The following KAZN variants were observed in gnomAD, a reference collection of about 807,000 sequenced individuals.
The protein encoded by KAZN is kazrin.
Under a neutral mutation model 87.4 loss-of-function variants are expected in KAZN, and 40 were observed. The observed-to-expected ratio is 0.46, with a 90% CI of 0.36 to 0.60. The LOEUF is 0.60. KAZN is among the 20% of genes least tolerant of loss of function. The probability of loss-of-function intolerance (pLI) is 0.00; values close to 1 mark genes in which losing one functional copy is unlikely to be tolerated. For synonymous variants in KAZN, 466 were observed against 458.3 expected (o/e 1.02, Z -0.22); for missense variants, 898 against 1,073.9 (o/e 0.84, Z 2.29).
chr1:14,459,260 C>CGCGTGT (rs1303345359), intron 2 of KAZN, among the ~76,000 whole-genome samples: 319 of 118,108 alleles, frequency 2.7e-3, no homozygotes, highest in Non-Finnish European at 3.3e-3. Context: ...TGTGTGTGCG[C>CGCGTGT]GTGTGTGTGT....
rs1491239422 is a variant in KAZN at position 15,101,163 on chromosome 1, T to TC, written c.1548-380_1548-379insC. 1.8e-3 allele frequency among the ~76,000 whole-genome samples: 240 copies of TC among 136,106 alleles called. 4 individuals are homozygous for TC. Among genetic ancestry groups the TC allele is most frequent in the African/African-American group, 4.6e-3 (164 of 35,718 alleles). The allele number at this position is 136,106 out of a possible 152,430, so 89.3% of individuals were successfully genotyped here. A position where few individuals can be genotyped will look rare whatever the true frequency, so the allele number is the denominator to read the frequency against. On this transcript the variant is annotated intron_variant, in intron 10 of 14. Coordinates refer to ENST00000376030, the MANE Select transcript of KAZN (RefSeq NM_201628.3). ...CCCTTTCTGTTCTTGAGTCTCGGTC[T>TC]TTCTCTCTCTCTCTCTCTCTCTCTG...
chr1:15,080,482 C>G (rs899536189), intron 8 of KAZN, among the ~76,000 whole-genome samples: 2 of 152,054 alleles, frequency 1.3e-5, no homozygotes, highest in Non-Finnish European at 2.9e-5. Flanking sequence ...TGGTGAGTGA[C>G]TGATAGGCTC....
rs142510189 is a variant in KAZN, at chr1:14,074,238, CTG to C, written c.92-106194_92-106193del. Among the ~76,000 whole-genome samples, 808 of 152,340 alleles carry C rather than the reference CTG, an allele frequency of 5.3e-3. 7 individuals carry two copies. The highest frequency in any genetic ancestry group is 0.019 in the African/African-American group (773 of 41,576). On this transcript the variant is annotated intron_variant, in intron 1 of 16. Coordinates refer to the KAZN transcript ENST00000636203. Reference sequence around the variant, plus strand: ...CACAGCGTCTGAACTCCACAATAGTCTGTGCTCATGGCTACTGGGGAAAGCCG... The same window carrying C: ...CACAGCGTCTGAACTCCACAATAGTCTGCTCATGGCTACTGGGGAAAGCCG...
chr1:14,419,629 G>C (rs907850873), intron 2 of KAZN, among the ~76,000 whole-genome samples: 1 of 152,212 alleles, frequency 6.6e-6, no homozygotes, highest in Non-Finnish European at 1.5e-5. Context: ...TGTGTCCGGA[G>C]TTTGTTCCTT....
At chr1:14,952,863 C>T (rs946503774) in intron 1 of KAZN, among the ~76,000 whole-genome samples, 1 of 152,218 alleles carries the variant, frequency 6.6e-6, no homozygotes, top group Non-Finnish European at 1.5e-5. Context: ...ATTTGACCCT[C>T]ATGTAGAACC....
intron 2 of KAZN, among the ~76,000 whole-genome samples, chr1:14,380,878 T>C (rs988908654): frequency 2.6e-5 from 4 of 152,170 alleles, no homozygotes; most frequent in Admixed American, 6.5e-5. Flanking sequence ...AAGAAAGTTA[T>C]AGAATACCAA....
intron 7 of KAZN, 54 bp downstream of exon 7, chr1:15,063,676 C>A: frequency 7.2e-7 from 1 of 1,391,272 alleles, no homozygotes; most frequent in Non-Finnish European, 1.0e-6. Context: ...ACCTTGACTA[C>A]AACTTCACCC....
rs905274324 is a variant in KAZN at position 14,833,078 on chromosome 1, T to G, written c.227-127606T>G. Among the ~76,000 whole-genome samples, 10 of 152,324 alleles carry G rather than the reference T, an allele frequency of 6.6e-5. No individual in the cohort carries two copies. The South Asian group carries it at 1.2e-3, about 19-fold the overall frequency. On this transcript the variant is annotated intron_variant, in intron 1 of 14. Coordinates refer to ENST00000376030, the MANE Select transcript of KAZN (RefSeq NM_201628.3). ...AATAAAAGATAAAATTAATATTCTATTTACTCATCTTTATAGAAGAAGCTT... is the reference window on the plus strand; with the variant it reads ...AATAAAAGATAAAATTAATATTCTAGTTACTCATCTTTATAGAAGAAGCTT...
At chr1:14,593,223 AAT>A (rs1245220763) in intron 2 of KAZN, among the ~76,000 whole-genome samples, 3 of 152,238 alleles carry the variant, frequency 2.0e-5, no homozygotes, top group Non-Finnish European at 4.4e-5. Flanking sequence ...AGACTGAATG[AAT>A]ATGAGAAGGG....
chr1:14,980,462 C>T (rs1169725612), intron 2 of KAZN, among the ~76,000 whole-genome samples: 1 of 152,100 alleles, frequency 6.6e-6, no homozygotes, highest in African/African-American at 2.4e-5. Flanking sequence ...GCAGGCTGGA[C>T]GTTCGTGCTA....
At chr1:14,261,339 A>G (rs1650997075) in intron 2 of KAZN, among the ~76,000 whole-genome samples, 1 of 152,232 alleles carries the variant, frequency 6.6e-6, no homozygotes, top group African/African-American at 2.4e-5. Context: ...GGAATAAATC[A>G]GGAAATTTCA....
At chr1:14,896,852 TTGGGGTGCAAAGAGACC>T (rs1655332486) in intron 1 of KAZN, among the ~76,000 whole-genome samples, 2 of 152,058 alleles carry the variant, frequency 1.3e-5, no homozygotes, top group Non-Finnish European at 2.9e-5. Context: ...AAAGGAAGAT[TTGGGGTGCAAAGAGACC>T]TGGGTTTAGA....
At position 15,101,542 on chromosome 1, in the gene KAZN, G is replaced by T; in HGVS notation, c.1548-1G>T. 6.4e-7 allele frequency: 1 copy of T among 1,550,914 alleles called. No individual in the cohort carries two copies. The highest frequency in any genetic ancestry group is 1.2e-5 in the South Asian group (1 of 84,018). On this transcript the variant is annotated splice_acceptor_variant, in intron 10 of 14. Coordinates refer to ENST00000376030, the MANE Select transcript of KAZN (RefSeq NM_201628.3). LOFTEE classifies it high-confidence loss of function. ...ACTCTCTGGCTATGTCTCCTCCCCAGCCTGTCCAAAGCTGCCGAGCTGGAC... is the reference window on the plus strand; with the variant it reads ...ACTCTCTGGCTATGTCTCCTCCCCATCCTGTCCAAAGCTGCCGAGCTGGAC...
intron 1 of KAZN, among the ~76,000 whole-genome samples, chr1:13,899,022 C>T (rs1465723771): frequency 6.6e-6 from 1 of 152,206 alleles, no homozygotes; most frequent in Non-Finnish European, 1.5e-5. Flanking sequence ...GCACACACTT[C>T]CTGTCATTCC....
intron 2 of KAZN, among the ~76,000 whole-genome samples, chr1:14,278,291 C>CTTTT (rs869207394): frequency 1.5e-5 from 2 of 135,078 alleles, no homozygotes; most frequent in Non-Finnish European, 3.2e-5. Flanking sequence ...GCACTGATTC[C>CTTTT]TTTTTTTTTT....
intron 2 of KAZN, among the ~76,000 whole-genome samples, chr1:14,330,378 C>G (rs1014247746): frequency 2.6e-4 from 40 of 152,184 alleles, no homozygotes; most frequent in African/African-American, 8.9e-4. Context: ...AAAAGTGAGG[C>G]TCCCACAATT....
At chr1:14,992,643 T>G (rs1272007026) in intron 2 of KAZN, among the ~76,000 whole-genome samples, 1 of 152,108 alleles carries the variant, frequency 6.6e-6, no homozygotes, top group Non-Finnish European at 1.5e-5. Context: ...TTTATTGTTT[T>G]TTTGTTTTAT....
At chr1:15,103,572 C>A in intron 12 of KAZN, 112 bp downstream of exon 12, 1 of 748,570 alleles carries the variant, frequency 1.3e-6, no homozygotes, top group Non-Finnish European at 2.4e-6. Flanking sequence ...AGATCTCATG[C>A]AAATCAATGG....
chr1:14,312,599 A>G (rs1655379840), intron 2 of KAZN, among the ~76,000 whole-genome samples: 1 of 152,190 alleles, frequency 6.6e-6, no homozygotes, highest in African/African-American at 2.4e-5. Flanking sequence ...TTGAAGTATA[A>G]TATATAGAAA....
Sources: gnomAD v4.1 joint callset for allele counts (sites outside exome capture counted in the v4.1 genomes callset) on GRCh38, gnomAD v4.1.1 for gene constraint, MANE v1.5 for transcripts, NCBI Gene and HGNC (gene_info 2026-07-23, HGNC 2026-07-21) for gene names.